COL24A1: variants seen among roughly 807,000 people sequenced by gnomAD.
COL24A1 encodes collagen alpha-1(XXIV) chain.
In COL24A1, 224 loss-of-function variants were observed where a neutral mutation model predicts 253.9. That is an observed-to-expected ratio of 0.88 (90% CI 0.79 to 0.99). The LOEUF (loss-of-function observed/expected upper bound fraction) is 0.99. Among genes scored for constraint, COL24A1 ranks in the 50% least tolerant of loss-of-function variants. The pLI, the probability that COL24A1 is intolerant of heterozygous loss-of-function variation, is 0.00. For missense variants in COL24A1, 2,131 were observed against 2,068.5 expected, an observed-to-expected ratio of 1.03 and a Z score of -0.59; for synonymous variants, 685 against 673.7, an observed-to-expected ratio of 1.02 and a Z score of -0.26.
chr1:85,758,670 G>A (rs2101072052), intron 55 of COL24A1, among the ~76,000 whole-genome samples: 1 of 152,146 alleles, frequency 6.6e-6, no homozygotes, highest in South Asian at 2.1e-4. Flanking sequence ...GGCTGGACTG[G>A]ATTAGAAGTT....
intron 32 of COL24A1, among the ~76,000 whole-genome samples, chr1:85,877,564 T>C (rs1681328884): frequency 6.6e-6 from 1 of 152,208 alleles, no homozygotes; most frequent in Non-Finnish European, 1.5e-5. Context: ...GATTTCACTA[T>C]GTTGACCAGG....
chr1:86,103,367 C>T (rs1704643435), intron 5 of COL24A1, among the ~76,000 whole-genome samples: 1 of 152,086 alleles, frequency 6.6e-6, no homozygotes, highest in Admixed American at 6.5e-5. Context: ...AGACATTTAG[C>T]CTGTTTACAT....
chr1:86,074,680 G>A (rs12744220), intron 7 of COL24A1, among the ~76,000 whole-genome samples: 51,683 of 151,926 alleles, frequency 0.34, 9,210 homozygotes, highest in Middle Eastern at 0.5. Flanking sequence ...CATCACACTT[G>A]TTCTAAAATT....
intron 5 of COL24A1, among the ~76,000 whole-genome samples, chr1:86,107,166 G>C (rs1420388436): frequency 6.6e-6 from 1 of 152,142 alleles, no homozygotes; most frequent in Non-Finnish European, 1.5e-5. Flanking sequence ...AGACAACCTA[G>C]TGTAAGAAAA....
At chr1:85,994,795 T>G (rs757117909) in intron 19 of COL24A1, among the ~76,000 whole-genome samples, 54 of 152,318 alleles carry the variant, frequency 3.5e-4, no homozygotes, top group Non-Finnish European at 6.6e-4. Flanking sequence ...GAAGGAAATA[T>G]TCTGTCTTCT....
intron 28 of COL24A1, among the ~76,000 whole-genome samples, chr1:85,899,948 A>AT (rs902920984): frequency 6.6e-6 from 1 of 152,146 alleles, no homozygotes; most frequent in Non-Finnish European, 1.5e-5. Context: ...AGTTTATAAT[A>AT]TTTTTTCAAA....
Position 85,811,405 on chromosome 1 carries a change from A to G in COL24A1, c.3951+5383T>C, listed in dbSNP as rs1480887576. 3.3e-5 allele frequency among the ~76,000 whole-genome samples: 5 copies of G among 152,156 alleles called. No individual in the cohort carries two copies. The East Asian group carries it at 9.6e-4, about 29-fold the overall frequency. ...TAAATTTATACAATAAAATTTATTTAAAAAAATCTTTTACATTCCTGCCGT... is the reference window on the plus strand; with the variant it reads ...TAAATTTATACAATAAAATTTATTTGAAAAAATCTTTTACATTCCTGCCGT... On this transcript the variant is annotated intron_variant, in intron 47 of 59. Coordinates refer to ENST00000370571, the MANE Select transcript of COL24A1 (RefSeq NM_152890.7).
intron 52 of COL24A1, among the ~76,000 whole-genome samples, chr1:85,780,028 G>A (rs749685974): frequency 1.4e-4 from 21 of 152,064 alleles, no homozygotes; most frequent in Admixed American, 2.0e-4. Context: ...TTTTGACAGA[G>A]GAGAAAAATC....
chr1:85,817,573 T>C (rs1264517238), intron 46 of COL24A1, among the ~76,000 whole-genome samples: 1 of 152,156 alleles, frequency 6.6e-6, no homozygotes, highest in Non-Finnish European at 1.5e-5. Context: ...AGGAAACTGA[T>C]GGTGAGGTAA....
intron 7 of COL24A1, among the ~76,000 whole-genome samples, chr1:86,072,824 T>C (rs1701969093): frequency 6.6e-6 from 1 of 152,170 alleles, no homozygotes; most frequent in African/African-American, 2.4e-5. Context: ...CAGCCTTCAC[T>C]GGTGATACCC....
intron 58 of COL24A1, 100 bp from the exon 59 acceptor site, chr1:85,735,064 A>G: frequency 1.8e-6 from 2 of 1,082,994 alleles, no homozygotes; most frequent in South Asian, 1.5e-5. Flanking sequence ...CAGCCTCCAG[A>G]AAGCTCCTTT....
intron 32 of COL24A1, among the ~76,000 whole-genome samples, chr1:85,885,653 G>A (rs567229500): frequency 6.6e-6 from 1 of 152,228 alleles, no homozygotes; most frequent in Admixed American, 6.5e-5. Flanking sequence ...CACATATTCA[G>A]GGAGATAAAG....
intron 24 of COL24A1, among the ~76,000 whole-genome samples, chr1:85,933,547 T>A (rs1383569013): frequency 2.0e-5 from 3 of 152,206 alleles, no homozygotes; most frequent in Admixed American, 6.6e-5. Context: ...AGGCATGTAT[T>A]GTGCAAAGGT....
intron 31 of COL24A1, among the ~76,000 whole-genome samples, chr1:85,891,565 G>C (rs1360182580): frequency 6.6e-6 from 1 of 152,118 alleles, no homozygotes; most frequent in Non-Finnish European, 1.5e-5. Flanking sequence ...GCTAGGGAAA[G>C]GGAAATATGT....
chr1:85,923,162 T>C (rs1353229471), intron 24 of COL24A1, among the ~76,000 whole-genome samples: 1 of 152,156 alleles, frequency 6.6e-6, no homozygotes, highest in Admixed American at 6.5e-5. Context: ...GCACCCAGAT[T>C]CATAAAGCAA....
chr1:85,915,280 C>T (rs1011536862), intron 24 of COL24A1, among the ~76,000 whole-genome samples: 3 of 152,178 alleles, frequency 2.0e-5, no homozygotes, highest in Non-Finnish European at 4.4e-5. Flanking sequence ...GGCCTTTGGA[C>T]TTGGAGTAGA....
intron 21 of COL24A1, among the ~76,000 whole-genome samples, 196 bp from the exon 22 acceptor site, chr1:85,970,467 G>A (rs576314624): frequency 3.9e-5 from 6 of 151,990 alleles, no homozygotes; most frequent in African/African-American, 1.2e-4. Flanking sequence ...TGGTGCATTC[G>A]TGTAGGGACC....
chr1:86,048,345 A>G (rs1445692161), intron 11 of COL24A1, among the ~76,000 whole-genome samples: 1 of 152,154 alleles, frequency 6.6e-6, no homozygotes, highest in Non-Finnish European at 1.5e-5. Flanking sequence ...TTGTACTTAA[A>G]CATTTTATAA....
chr1:86,138,682 G>A (rs1480534827), intron 2 of COL24A1, among the ~76,000 whole-genome samples: 3 of 152,032 alleles, frequency 2.0e-5, no homozygotes, highest in Non-Finnish European at 2.9e-5. Context: ...TCTTTCTTTT[G>A]TAAATTGCCC....
Sources: allele counts gnomAD v4.1 joint callset (sites outside exome capture counted in the v4.1 genomes callset), GRCh38; gene constraint gnomAD v4.1.1; transcripts MANE v1.5; gene names NCBI Gene and HGNC (gene_info 2026-07-23, HGNC 2026-07-21).